Variants in TTC7B observed in about 807,000 individuals in gnomAD.
TTC7B encodes the protein tetratricopeptide repeat protein 7B.
Under a neutral mutation model 106.8 loss-of-function variants are expected in TTC7B, and 28 were observed. The ratio of observed to expected loss-of-function variants is 0.26; its 90% CI spans 0.19 to 0.36. TTC7B has a LOEUF of 0.36. TTC7B is among the 10% of genes least tolerant of loss of function. TTC7B has a pLI of 1.00. For missense variants in TTC7B, 862 were observed against 1,076.4 expected, an observed-to-expected ratio of 0.80 and a Z score of 2.79; for synonymous variants, 405 against 430.6, an observed-to-expected ratio of 0.94 and a Z score of 0.74.
intron 5 of TTC7B, among the ~76,000 whole-genome samples, chr14:90,696,989 G>A (rs1887778019): frequency 6.6e-6 from 1 of 152,176 alleles, no homozygotes; most frequent in Admixed American, 6.5e-5. Context: ...TAACACGGCG[G>A]GAAGGAAATA....
rs776686085 is a variant in TTC7B, at chr14:90,807,257, A to C, written c.121+8918T>G. ...CCTGCTTACCCACTCACTGCCACTG[A>C]GTCTGACCTCTCCAGGCTCCCAGCT... On this transcript the variant is annotated intron_variant, in intron 1 of 19. Coordinates refer to ENST00000328459, the MANE Select transcript of TTC7B (RefSeq NM_001010854.2). This position sits in a 1 kb window ranked among gnomAD's most constrained non-coding sequence, Gnocchi z 4.1. 2.6e-5 allele frequency among the ~76,000 whole-genome samples: 4 copies of C among 152,024 alleles called. No homozygotes were observed. The highest frequency in any genetic ancestry group is 5.9e-5 in the Non-Finnish European group (4 of 67,996).
At chr14:90,761,985 G>C (rs1890517625) in intron 3 of TTC7B, among the ~76,000 whole-genome samples, 2 of 152,222 alleles carry the variant, frequency 1.3e-5, no homozygotes. Flanking sequence ...TTGAATGTAT[G>C]GAATTGTCTG....
chr14:90,679,129 A>C (rs1029173221), intron 8 of TTC7B, among the ~76,000 whole-genome samples: 1 of 152,194 alleles, frequency 6.6e-6, no homozygotes. Flanking sequence ...TAGAGAATGT[A>C]AATGACACCA....
In TTC7B at chr14:90,735,702, A is replaced by ATT. The variant is rs1491250009; in HGVS notation, c.577-5507_577-5506insAA. Among the ~76,000 whole-genome samples the ATT allele has an allele frequency of 2.8e-3, 416 of 150,730 alleles. 6 individuals carry two copies. The highest frequency in any genetic ancestry group is 7.3e-3 in the African/African-American group (299 of 41,220). ...AGCGAAACCTCATCACTTTTTTTAAATATTTTTTTTTTTTAAAAAACCTAC... is the reference window on the plus strand; with the variant it reads ...AGCGAAACCTCATCACTTTTTTTAAATTTATTTTTTTTTTTTAAAAAACCTAC... On this transcript the variant is annotated intron_variant, in intron 4 of 19. Transcript: ENST00000328459.
At chr14:90,672,541 C>T (rs1886673981) in intron 9 of TTC7B, among the ~76,000 whole-genome samples, 1 of 152,198 alleles carries the variant, frequency 6.6e-6, no homozygotes, top group South Asian at 2.1e-4. Flanking sequence ...TCTCTCTCCT[C>T]CTAGACCACT....
In TTC7B at chr14:90,565,311, G is replaced by A. The variant is rs566854867; in HGVS notation, c.2310+12795C>T. Among the ~76,000 whole-genome samples, 12 of 151,556 alleles carry A rather than the reference G, an allele frequency of 7.9e-5. No homozygotes were observed. In the South Asian group the frequency reaches 1.3e-3, roughly 16 times the overall value. Reference sequence around the variant, plus strand: ...CTTGAACAACTTTTCCTTTGTATTCGCAACTTGGCTAACTGGTGCAAGAGG... The same window carrying A: ...CTTGAACAACTTTTCCTTTGTATTCACAACTTGGCTAACTGGTGCAAGAGG... On this transcript the variant is annotated intron_variant, in intron 19 of 19. Coordinates refer to ENST00000328459, the MANE Select transcript of TTC7B (RefSeq NM_001010854.2).
At chr14:90,674,423 T>C (rs1886747557) in intron 9 of TTC7B, among the ~76,000 whole-genome samples, 1 of 152,244 alleles carries the variant, frequency 6.6e-6, no homozygotes. Flanking sequence ...TGGTGAATGC[T>C]CGCTCCAATT....
intron 9 of TTC7B, among the ~76,000 whole-genome samples, chr14:90,669,465 A>C (rs1380345737): frequency 1.3e-5 from 2 of 152,108 alleles, no homozygotes; most frequent in Non-Finnish European, 2.9e-5. Context: ...TTAGGAAGCC[A>C]AGACGGGAGG....
intron 19 of TTC7B, among the ~76,000 whole-genome samples, chr14:90,559,231 G>A (rs191280455): frequency 6.6e-6 from 1 of 152,368 alleles, no homozygotes; most frequent in Admixed American, 6.5e-5. Context: ...CTCCTCAGAA[G>A]CCAGAAGCCC....
intron 3 of TTC7B, among the ~76,000 whole-genome samples, chr14:90,775,726 C>G (rs998878021): frequency 6.6e-6 from 1 of 152,086 alleles, no homozygotes; most frequent in African/African-American, 2.4e-5. Flanking sequence ...CTTCTCCTCT[C>G]TGGCACAGTC....
At chr14:90,756,430 G>A (rs1310967089) in intron 3 of TTC7B, among the ~76,000 whole-genome samples, 1 of 126,412 alleles carries the variant, frequency 7.9e-6, no homozygotes, top group Non-Finnish European at 1.7e-5. Flanking sequence ...TTTCAGTCTT[G>A]TCACCTAGGC....
At chr14:90,603,379 A>AT in intron 17 of TTC7B, 5 of 1,043,668 alleles carry the variant, frequency 4.8e-6, no homozygotes, top group Non-Finnish European at 6.5e-6. Flanking sequence ...AGACTAAAAA[A>AT]GCGAACAGAG....
In TTC7B at chr14:90,805,318, C is replaced by T. The variant is rs138654832; in HGVS notation, c.121+10857G>A. 7.5e-4 allele frequency among the ~76,000 whole-genome samples: 114 copies of T among 152,276 alleles called. No homozygotes were observed. The highest frequency in any genetic ancestry group is 3.4e-3 in the Middle Eastern group (1 of 294). ...TCACCCAGGGTAGTGTGCAGTGGCG[C>T]GATCTCGGCTCACTGCAACCTCTAC... On this transcript the variant is annotated intron_variant, in intron 1 of 19. Transcript: ENST00000328459. This position sits in a 1 kb window ranked among gnomAD's most constrained non-coding sequence, Gnocchi z 4.0.
At position 90,624,056 on chromosome 14, in the gene TTC7B, A is replaced by G. The variant is rs1254594598; in HGVS notation, c.1752-6011T>C. On this transcript the variant is annotated intron_variant, in intron 15 of 19. Coordinates refer to ENST00000328459, the MANE Select transcript of TTC7B (RefSeq NM_001010854.2). This position sits in a 1 kb window ranked among gnomAD's most constrained non-coding sequence, Gnocchi z 4.0. ...ACAAAAACAAAACAAAACAAAACCC[A>G]TGAGTGTGCCTGTATGCATATGCGT... Among the ~76,000 whole-genome samples, 3 of 151,930 alleles carry G rather than the reference A, an allele frequency of 2.0e-5. No homozygotes were observed. The highest frequency in any genetic ancestry group is 4.8e-5 in the African/African-American group (2 of 41,400).
rs557088842 is a variant in TTC7B, at chr14:90,753,634, G to A, written c.446-8712C>T. On this transcript the variant is annotated intron_variant, in intron 3 of 19. Coordinates refer to ENST00000328459, the MANE Select transcript of TTC7B (RefSeq NM_001010854.2). ...TGGGGGGAAGCAGAGGGACAGGGAC[G>A]CCGGCCTGGATCCCCTGTGAGGTCC... Among the ~76,000 whole-genome samples, 6 of 152,286 alleles carry A rather than the reference G, an allele frequency of 3.9e-5. No homozygotes were observed. In the East Asian group the frequency reaches 9.6e-4, roughly 24 times the overall value.
chr14:90,622,716 G>C (rs1482013782), intron 15 of TTC7B, among the ~76,000 whole-genome samples: 1 of 152,148 alleles, frequency 6.6e-6, no homozygotes, highest in South Asian at 2.1e-4. Flanking sequence ...CTGGGTGAAA[G>C]AGTGAGACCC....
At chr14:90,565,459 T>C (rs1195220017) in intron 19 of TTC7B, among the ~76,000 whole-genome samples, 1 of 147,574 alleles carries the variant, frequency 6.8e-6, no homozygotes, top group Non-Finnish European at 1.5e-5. Context: ...TAGAGTGCTG[T>C]GGCGTGATCT....
intron 4 of TTC7B, among the ~76,000 whole-genome samples, chr14:90,743,980 TC>T (rs1276330450): frequency 6.6e-6 from 1 of 152,126 alleles, no homozygotes; most frequent in Non-Finnish European, 1.5e-5. Flanking sequence ...GCTGCTCGTT[TC>T]CATCACCCAC....
chr14:90,565,324 C>G (rs1394497266), intron 19 of TTC7B, among the ~76,000 whole-genome samples: 3 of 151,642 alleles, frequency 2.0e-5, no homozygotes, highest in African/African-American at 7.3e-5. Flanking sequence ...ACTTGGCTAA[C>G]TGGTGCAAGA....
Sources: allele counts gnomAD v4.1 joint callset (sites outside exome capture counted in the v4.1 genomes callset), GRCh38; gene constraint gnomAD v4.1.1; non-coding constraint Gnocchi (gnomAD v3.1); transcripts MANE v1.5; gene names NCBI Gene and HGNC (gene_info 2026-07-23, HGNC 2026-07-21).